WDR44: variants seen among roughly 807,000 people sequenced by gnomAD.
The protein encoded by WDR44 is WD repeat domain 44.
WDR44 carries 9 observed loss-of-function variants against 65.7 expected under a neutral mutation model. The ratio of observed to expected loss-of-function variants is 0.14; its 90% CI spans 0.08 to 0.24. The LOEUF (loss-of-function observed/expected upper bound fraction) is 0.24. Ranked by LOEUF, WDR44 falls within the 10% of genes least tolerant of loss-of-function variation. The pLI, the probability that WDR44 is intolerant of heterozygous loss-of-function variation, is 1.00. For missense variants in WDR44, 425 were observed against 670.9 expected (o/e 0.63, Z 4.05); for synonymous variants, 220 against 235.2 (o/e 0.94, Z 0.59).
At chrX:118,373,773 G>A (rs2056634083) in intron 1 of WDR44, among the ~76,000 whole-genome samples, 1 of 111,115 alleles carries the variant, frequency 9.0e-6, no homozygotes, top group Admixed American at 9.7e-5. Flanking sequence ...CAATGTAAAT[G>A]ACCTAATCTG....
At chrX:118,428,748 C>G (rs899669603) in intron 12 of WDR44, among the ~76,000 whole-genome samples, 2 of 111,871 alleles carry the variant, frequency 1.8e-5, no homozygotes, top group African/African-American at 6.5e-5. Context: ...AAGATACATG[C>G]AGGCATATGT....
intron 19 of WDR44, among the ~76,000 whole-genome samples, chrX:118,446,763 CTGTT>C (rs1443848022): frequency 8.9e-6 from 1 of 111,961 alleles, no homozygotes; most frequent in African/African-American, 3.2e-5. Flanking sequence ...TACTAAATGC[CTGTT>C]TAACTGCTGT....
chrX:118,346,557 C>T lies in WDR44; in HGVS notation c.54C>T (p.His18=), dbSNP rs144369996. The T allele has an allele frequency of 2.5e-6, 3 of 1,194,979 alleles. No individual in the cohort carries two copies. The highest frequency in any genetic ancestry group is 3.6e-5 in the African/African-American group (2 of 56,121). ...EEFYDAPEDV[H]LGGGYPVGSP... ...TCTATGATGCCCCTGAAGATGTGCA[C>T]CTAGGGGGCGGCTACCCCGTGGGGT... Residue 18 remains histidine, a synonymous_variant, in exon 1 of 20, where the codon CAC becomes CAT. Coordinates refer to ENST00000254029, the MANE Select transcript of WDR44 (RefSeq NM_019045.5).
At chrX:118,436,888 T>C in intron 14 of WDR44, 64 bp downstream of exon 14, 1 of 1,036,035 alleles carries the variant, frequency 9.7e-7, no homozygotes, top group Non-Finnish European at 1.3e-6. Context: ...CTGATTTCTC[T>C]AGAGGGCAAT....
chrX:118,391,061 C>T (rs1285341629), intron 3 of WDR44, among the ~76,000 whole-genome samples: 1 of 112,254 alleles, frequency 8.9e-6, no homozygotes, highest in South Asian at 3.7e-4. Context: ...AGGTCTAATA[C>T]ACAGTAGGCC....
chrX:118,440,126 A>G (rs1166310776), intron 14 of WDR44, among the ~76,000 whole-genome samples: 1 of 108,316 alleles, frequency 9.2e-6, no homozygotes, highest in Non-Finnish European at 1.9e-5. Context: ...TCACCAAAAA[A>G]AAAAAAAAAG....
intron 1 of WDR44, among the ~76,000 whole-genome samples, chrX:118,353,398 T>C (rs1377131058): frequency 9.0e-6 from 1 of 111,567 alleles, no homozygotes; most frequent in African/African-American, 3.3e-5. Context: ...CTTCTAGCTC[T>C]TTTGCCTTCT....
At chrX:118,446,315 A>C (rs5957003) in intron 19 of WDR44, among the ~76,000 whole-genome samples, 2 of 109,455 alleles carry the variant, frequency 1.8e-5, no homozygotes, top group African/African-American at 6.7e-5. Flanking sequence ...GCGTTGTGGT[A>C]TGTACCTGTA....
intron 1 of WDR44, among the ~76,000 whole-genome samples, chrX:118,357,510 AT>A (rs34486247): frequency 0.11 from 12,494 of 111,284 alleles, 668 homozygotes; most frequent in Admixed American, 0.25. Flanking sequence ...ATCAATTTAA[AT>A]TTTTAAAAAG....
intron 1 of WDR44, among the ~76,000 whole-genome samples, chrX:118,377,956 T>A (rs1457984059): frequency 9.1e-6 from 1 of 109,466 alleles, no homozygotes; most frequent in African/African-American, 3.3e-5. Flanking sequence ...TTCTCCACTT[T>A]TTTTTTCTTT....
intron 8 of WDR44, among the ~76,000 whole-genome samples, chrX:118,403,953 C>T (rs2056941471): frequency 8.9e-6 from 1 of 111,941 alleles, no homozygotes; most frequent in East Asian, 2.8e-4. Flanking sequence ...AAGAACAGCT[C>T]TCTAAAGCAG....
intron 1 of WDR44, among the ~76,000 whole-genome samples, chrX:118,347,763 A>G (rs770859504): frequency 8.9e-6 from 1 of 112,490 alleles, no homozygotes; most frequent in African/African-American, 3.2e-5. Context: ...TCAGAAAGCA[A>G]TGTACGTTGG....
At chrX:118,389,182 T>G (rs2056796677) in intron 3 of WDR44, among the ~76,000 whole-genome samples, 1 of 112,111 alleles carries the variant, frequency 8.9e-6, no homozygotes. Context: ...GAATTAAGTA[T>G]GAATCACTAA....
At chrX:118,413,879 A>G (rs891589709) in intron 12 of WDR44, among the ~76,000 whole-genome samples, 4 of 111,773 alleles carry the variant, frequency 3.6e-5, no homozygotes, top group Non-Finnish European at 7.5e-5. Context: ...ATGAGGATCC[A>G]GTTTCATTAT....
intron 1 of WDR44, among the ~76,000 whole-genome samples, chrX:118,369,388 G>A (rs1429981595): frequency 9.4e-6 from 1 of 106,510 alleles, no homozygotes; most frequent in Non-Finnish European, 1.9e-5. Context: ...AGCCAGGGTG[G>A]TCTCGATCTC....
At chrX:118,405,163 G>A (rs1282329283) in intron 9 of WDR44, among the ~76,000 whole-genome samples, 2 of 110,323 alleles carry the variant, frequency 1.8e-5, no homozygotes, top group East Asian at 2.8e-4. Context: ...AGCTTACCAA[G>A]TAGCTGGGAT....
intron 10 of WDR44, among the ~76,000 whole-genome samples, chrX:118,407,899 T>A (rs1477902143): frequency 8.9e-6 from 1 of 112,352 alleles, no homozygotes; most frequent in Non-Finnish European, 1.9e-5. Flanking sequence ...TGTTTACATT[T>A]TAAGTCTAAA....
At chrX:118,352,341 TATA>T (rs1569354370) in intron 1 of WDR44, among the ~76,000 whole-genome samples, 38 of 24,117 alleles carry the variant, frequency 1.6e-3, no homozygotes, top group African/African-American at 0.013. Context: ...TATATATATA[TATA>T]TATATATATT....
At chrX:118,442,996 CTT>C (rs977291931) in intron 17 of WDR44, among the ~76,000 whole-genome samples, 1 of 110,982 alleles carries the variant, frequency 9.0e-6, no homozygotes, top group African/African-American at 3.3e-5. Flanking sequence ...TAAGAGGGGG[CTT>C]ACGGCTCATC....
Sources: gnomAD v4.1 joint callset for allele counts (sites outside exome capture counted in the v4.1 genomes callset) on GRCh38, gnomAD v4.1.1 for gene constraint, MANE v1.5 for transcripts, NCBI Gene and HGNC (gene_info 2026-07-23, HGNC 2026-07-21) for gene names.